Variants in EEFSEC observed in about 807,000 individuals in gnomAD.
EEFSEC encodes the protein eukaryotic elongation factor, selenocysteine-tRNA specific.
Under a neutral mutation model 42.1 loss-of-function variants are expected in EEFSEC, and 43 were observed. That is an observed-to-expected ratio of 1.02 (90% confidence interval 0.80 to 1.32). EEFSEC has a LOEUF of 1.32. EEFSEC is among the 40% of genes most tolerant of loss of function. The pLI is 0.00. For synonymous variants in EEFSEC, 354 were observed against 339.1 expected (o/e 1.04, Z -0.48); for missense variants, 745 against 803.6 (o/e 0.93, Z 0.88).
At chr3:128,166,201 C>A (rs888674736) in intron 1 of EEFSEC, among the ~76,000 whole-genome samples, 1 of 152,208 alleles carries the variant, frequency 6.6e-6, no homozygotes, top group Non-Finnish European at 1.5e-5. Context: ...GAGGTGCTTA[C>A]AGCACAGCCG....
intron 4 of EEFSEC, among the ~76,000 whole-genome samples, chr3:128,282,800 G>A (rs1576605536): frequency 6.6e-6 from 1 of 152,332 alleles, no homozygotes; most frequent in Non-Finnish European, 1.5e-5. Flanking sequence ...GCCGCTGGTT[G>A]CCTGTCATCC....
chr3:128,281,172 A>T lies in EEFSEC; in HGVS notation c.786+16391A>T, dbSNP rs2811386. Among the ~76,000 whole-genome samples, 229 of 152,252 alleles carry T rather than the reference A, an allele frequency of 1.5e-3. 1 individual carries two copies. Among genetic ancestry groups the T allele is most frequent in the Middle Eastern group, 0.01 (3 of 294 alleles). On this transcript the variant is annotated intron_variant, in intron 4 of 6. Transcript: ENST00000254730. ...GTGAGGGGAATCCAAGGTCCAGAGA[A>T]GTTAAGTCACATATTTTAAATGTGG...
chr3:128,234,243 G>A (rs1395822128), intron 1 of EEFSEC, among the ~76,000 whole-genome samples: 1 of 152,014 alleles, frequency 6.6e-6, no homozygotes, highest in Non-Finnish European at 1.5e-5. Flanking sequence ...AGTAGAGATG[G>A]CATTTCATCA....
chr3:128,299,634 A>G (rs1236436580), intron 4 of EEFSEC, among the ~76,000 whole-genome samples: 3 of 152,136 alleles, frequency 2.0e-5, no homozygotes, highest in Non-Finnish European at 4.4e-5. Context: ...GAAGGCCTGG[A>G]GGAAGGCATG....
At chr3:128,314,800 A>G (rs988710458) in intron 4 of EEFSEC, among the ~76,000 whole-genome samples, 5 of 152,186 alleles carry the variant, frequency 3.3e-5, no homozygotes, top group East Asian at 1.9e-4. Flanking sequence ...GACATTGCCA[A>G]CTTTCCCAGA....
At chr3:128,271,432 A>C (rs2066411708) in intron 4 of EEFSEC, among the ~76,000 whole-genome samples, 1 of 152,254 alleles carries the variant, frequency 6.6e-6, no homozygotes, top group Non-Finnish European at 1.5e-5. Context: ...AGATACATAA[A>C]GGAAGGCAGT....
intron 5 of EEFSEC, among the ~76,000 whole-genome samples, chr3:128,356,445 G>T (rs1401317874): frequency 6.6e-6 from 1 of 152,118 alleles, no homozygotes; most frequent in South Asian, 2.1e-4. Context: ...TGCCTGGGTG[G>T]GGACAGAGGG....
downstream of EEFSEC, among the ~76,000 whole-genome samples, chr3:128,412,102 CAT>C (rs1416498312): frequency 1.3e-5 from 2 of 152,238 alleles, no homozygotes; most frequent in East Asian, 3.8e-4. Context: ...TCCCTAACCT[CAT>C]GTCTCAGTGT....
At chr3:128,199,906 A>G (rs1457694606) in intron 1 of EEFSEC, among the ~76,000 whole-genome samples, 1 of 151,806 alleles carries the variant, frequency 6.6e-6, no homozygotes. Context: ...GCTAATTTTT[A>G]TATTTTTAGT....
rs554064629 is a variant in EEFSEC at position 128,389,686 on chromosome 3, C to T, written c.1601-18383C>T. Among the ~76,000 whole-genome samples the T allele has an allele frequency of 1.1e-4, 16 of 152,374 alleles. No homozygotes were observed. The East Asian group carries it at 3.1e-3, about 29-fold the overall frequency. ...TGGTTTTCACTGGACGTGGTTGTTTCATGGACCCACCCCAACAGGGAGCAT... is the reference window on the plus strand; with the variant it reads ...TGGTTTTCACTGGACGTGGTTGTTTTATGGACCCACCCCAACAGGGAGCAT... On this transcript the variant is annotated intron_variant, in intron 6 of 6. Coordinates refer to ENST00000254730, the MANE Select transcript of EEFSEC (RefSeq NM_021937.5).
intron 4 of EEFSEC, among the ~76,000 whole-genome samples, chr3:128,280,316 G>A (rs867508168): frequency 1.3e-5 from 2 of 152,230 alleles, no homozygotes; most frequent in African/African-American, 4.8e-5. Flanking sequence ...CTTTTACAAC[G>A]AGCTGGTATT....
At chr3:128,177,518 C>T (rs1334869376) in intron 1 of EEFSEC, among the ~76,000 whole-genome samples, 2 of 151,184 alleles carry the variant, frequency 1.3e-5, no homozygotes, top group African/African-American at 4.9e-5. Context: ...ATTAGACCTT[C>T]ACAGGGGTTT....
At chr3:128,424,681 A>G in the EEFSEC span, among the ~76,000 whole-genome samples, 22 of 152,142 alleles carry the variant, frequency 1.4e-4, no homozygotes, top group African/African-American at 5.3e-4. Context: ...CACGGCACCC[A>G]GCCATTTATC....
At chr3:128,333,958 T>C (rs2067162143) in intron 4 of EEFSEC, among the ~76,000 whole-genome samples, 1 of 152,194 alleles carries the variant, frequency 6.6e-6, no homozygotes, top group Admixed American at 6.5e-5. Context: ...CTCATCCACT[T>C]GATCAGCAAA....
intron 2 of EEFSEC, among the ~76,000 whole-genome samples, chr3:128,257,399 T>C (rs1399989318): frequency 6.6e-6 from 1 of 152,204 alleles, no homozygotes; most frequent in Non-Finnish European, 1.5e-5. Context: ...TGCTGGGATA[T>C]GTTCTGCCCA....
chr3:128,353,901 C>T (rs138261657), intron 5 of EEFSEC, among the ~76,000 whole-genome samples: 28 of 152,334 alleles, frequency 1.8e-4, no homozygotes, highest in African/African-American at 5.8e-4. Flanking sequence ...GCTGAGGACA[C>T]TGCCGCTCAC....
intron 1 of EEFSEC, among the ~76,000 whole-genome samples, chr3:128,217,964 C>T (rs1309012070): frequency 1.3e-5 from 2 of 152,284 alleles, no homozygotes; most frequent in Admixed American, 6.5e-5. Context: ...AGGAAACAGG[C>T]TCAGGGGGTT....
In EEFSEC at chr3:128,354,480, A is replaced by T. The variant is rs72977333; in HGVS notation, c.1444-3737A>T. On this transcript the variant is annotated intron_variant, in intron 5 of 6. Transcript: ENST00000254730. The stretch of plus-strand genomic sequence containing the variant: ...CCGAGCTGCACCACACACCAGCAGG[A>T]TTCCAGGGGCCAACCAGCCTGTGTG... 9.3e-4 allele frequency among the ~76,000 whole-genome samples: 141 copies of T among 152,342 alleles called. 1 individual carries two copies. The highest frequency in any genetic ancestry group is 3.3e-3 in the African/African-American group (137 of 41,580).
Position 128,216,938 on chromosome 3 carries a change from C to A in EEFSEC, c.317-29898C>A, listed in dbSNP as rs72973425. Among the ~76,000 whole-genome samples the A allele has an allele frequency of 9.0e-4, 136 of 151,102 alleles. 1 individual carries two copies. Among genetic ancestry groups the A allele is most frequent in the African/African-American group, 3.2e-3 (132 of 41,182 alleles). On this transcript the variant is annotated intron_variant, in intron 1 of 6. Transcript: ENST00000254730. ...AGATACTTGACCTCATAGATGGAGA[C>A]TCTGGCTGCCTGGGCTGGACACGTA...
Sources: allele counts gnomAD v4.1 joint callset (sites outside exome capture counted in the v4.1 genomes callset), GRCh38; gene constraint gnomAD v4.1.1; transcripts MANE v1.5; gene names NCBI Gene and HGNC (gene_info 2026-07-23, HGNC 2026-07-21).